Variants in PDCD1LG2 observed in about 807,000 individuals in gnomAD.
PDCD1LG2 encodes the protein B7 dendritic cell molecule.
PDCD1LG2 carries 32 observed loss-of-function variants against 28.2 expected under a neutral mutation model. That is an observed-to-expected ratio of 1.13 (90% CI 0.86 to 1.52). The LOEUF (loss-of-function observed/expected upper bound fraction) is 1.52, where lower values mean the gene tolerates loss of function less well. PDCD1LG2 is among the 40% of genes most tolerant of loss of function. The pLI is 0.00. For missense variants in PDCD1LG2, 385 were observed against 323.8 expected, an observed-to-expected ratio of 1.19 and a Z score of -1.45; for synonymous variants, 116 against 120.2, an observed-to-expected ratio of 0.97 and a Z score of 0.23.
intron 1 of PDCD1LG2, among the ~76,000 whole-genome samples, chr9:5,511,905 A>G (rs1326143653): frequency 3.3e-5 from 5 of 152,158 alleles, no homozygotes; most frequent in Non-Finnish European, 7.4e-5. Flanking sequence ...CTGAGTCCCA[A>G]GTTCCTAGTG....
chr9:5,552,350 G>A (rs896967864), intron 4 of PDCD1LG2, among the ~76,000 whole-genome samples: 1 of 152,188 alleles, frequency 6.6e-6, no homozygotes, highest in East Asian at 1.9e-4. Context: ...TTTAGATGCA[G>A]TAGAACAAGC....
chr9:5,554,109 T>C (rs77272010), intron 4 of PDCD1LG2, among the ~76,000 whole-genome samples: 4,616 of 152,310 alleles, frequency 0.03, 106 homozygotes, highest in South Asian at 0.062. Context: ...TTGTTTGCCT[T>C]GTAACTATGC....
rs1816724528 is a variant in PDCD1LG2 at position 5,569,224 on chromosome 9, G to A, written c.817-730G>A. Among the ~76,000 whole-genome samples the A allele has an allele frequency of 6.6e-5, 10 of 152,194 alleles. No homozygotes were observed. Among genetic ancestry groups the A allele is most frequent in the Admixed American group, 6.5e-4 (10 of 15,276 alleles). On this transcript the variant is annotated intron_variant, in intron 6 of 6. Coordinates refer to ENST00000397747, the MANE Select transcript of PDCD1LG2 (RefSeq NM_025239.4). The surrounding 1 kb of genome is among the most constrained non-coding windows in gnomAD (Gnocchi z 4.1). ...TGCTTAGAAGAGGTAACTGAGGCAAGTTTAATTTATAAAGGTGTGTGCAGC... is the reference window on the plus strand; with the variant it reads ...TGCTTAGAAGAGGTAACTGAGGCAAATTTAATTTATAAAGGTGTGTGCAGC...
intron 1 of PDCD1LG2, among the ~76,000 whole-genome samples, chr9:5,515,039 C>T (rs1820130915): frequency 6.6e-6 from 1 of 152,176 alleles, no homozygotes; most frequent in African/African-American, 2.4e-5. Context: ...TTACCACCCT[C>T]ATAAGTGATA....
At chr9:5,516,464 C>G (rs1007037670) in intron 1 of PDCD1LG2, among the ~76,000 whole-genome samples, 1 of 152,234 alleles carries the variant, frequency 6.6e-6, no homozygotes, top group African/African-American at 2.4e-5. Flanking sequence ...GCTGTGGACT[C>G]CACCCACAAT....
intron 6 of PDCD1LG2, among the ~76,000 whole-genome samples, chr9:5,567,544 T>C (rs1816689965): frequency 6.6e-6 from 1 of 152,246 alleles, no homozygotes. Flanking sequence ...GTTATTACAG[T>C]CATCAAGCCT....
At chr9:5,512,656 T>C (rs567549737) in intron 1 of PDCD1LG2, among the ~76,000 whole-genome samples, 20 of 152,330 alleles carry the variant, frequency 1.3e-4, no homozygotes, top group African/African-American at 4.6e-4. Context: ...AACATTTCCA[T>C]ATTAGAAATA....
chr9:5,563,987 T>C (rs1244444459), intron 6 of PDCD1LG2, among the ~76,000 whole-genome samples: 2 of 152,316 alleles, frequency 1.3e-5, no homozygotes, highest in African/African-American at 4.8e-5. Flanking sequence ...CAGCAACATA[T>C]AGACTAGCAT....
intron 2 of PDCD1LG2, 81 bp downstream of exon 2, chr9:5,522,682 C>A: frequency 7.6e-7 from 1 of 1,313,958 alleles, no homozygotes; most frequent in South Asian, 1.2e-5. Context: ...AGAATGTGGC[C>A]CTCAGGCTGA....
intron 3 of PDCD1LG2, among the ~76,000 whole-genome samples, chr9:5,546,030 T>C (rs7031548): frequency 0.42 from 63,606 of 151,920 alleles, 15,167 homozygotes; most frequent in African/African-American, 0.66. Context: ...TCCACCACCT[T>C]CCAAATAAGA....
chr9:5,520,150 C>T (rs1186341761), intron 1 of PDCD1LG2, among the ~76,000 whole-genome samples: 4 of 152,148 alleles, frequency 2.6e-5, no homozygotes, highest in African/African-American at 9.7e-5. Context: ...TTGAAAAAGA[C>T]TAACAAAGTT....
chr9:5,524,940 T>G (rs1482023357), intron 2 of PDCD1LG2, among the ~76,000 whole-genome samples: 1 of 152,216 alleles, frequency 6.6e-6, no homozygotes, highest in Non-Finnish European at 1.5e-5. Context: ...CCTTGCTCCT[T>G]GTACAGCCCC....
intron 4 of PDCD1LG2, among the ~76,000 whole-genome samples, chr9:5,554,457 C>T (rs1194342605): frequency 1.3e-5 from 2 of 152,212 alleles, no homozygotes; most frequent in Admixed American, 6.5e-5. Context: ...TCCCTTTCTA[C>T]TCATTCTCAT....
intron 6 of PDCD1LG2, among the ~76,000 whole-genome samples, chr9:5,563,420 C>T (rs1411364622): frequency 6.6e-6 from 1 of 152,174 alleles, no homozygotes; most frequent in Non-Finnish European, 1.5e-5. Flanking sequence ...TTCCTAAGCA[C>T]TCCTAGATGA....
At chr9:5,562,456 AG>A (rs1816582771) in intron 5 of PDCD1LG2, among the ~76,000 whole-genome samples, 1 of 152,210 alleles carries the variant, frequency 6.6e-6, no homozygotes, top group Non-Finnish European at 1.5e-5. Context: ...AAAGGCATAC[AG>A]AGTGGTATAA....
intron 1 of PDCD1LG2, among the ~76,000 whole-genome samples, chr9:5,517,201 T>C (rs1820183865): frequency 6.6e-6 from 1 of 152,100 alleles, no homozygotes; most frequent in African/African-American, 2.4e-5. Context: ...AGGGTTGGAG[T>C]GCTCTTGCAA....
At chr9:5,564,747 CA>C (rs1367175531) in intron 6 of PDCD1LG2, among the ~76,000 whole-genome samples, 4 of 152,216 alleles carry the variant, frequency 2.6e-5, no homozygotes, top group African/African-American at 9.6e-5. Flanking sequence ...TACCACTCTT[CA>C]ACAAAACTTT....
intron 1 of PDCD1LG2, among the ~76,000 whole-genome samples, chr9:5,520,126 C>T (rs1820245971): frequency 6.6e-6 from 1 of 151,980 alleles, no homozygotes; most frequent in African/African-American, 2.4e-5. Context: ...CGAATAGCCC[C>T]CTAAAAAAAA....
At chr9:5,512,457 C>T (rs1055652078) in intron 1 of PDCD1LG2, among the ~76,000 whole-genome samples, 5 of 152,170 alleles carry the variant, frequency 3.3e-5, no homozygotes, top group Non-Finnish European at 5.9e-5. Flanking sequence ...GATTTTCCTC[C>T]ATTGCCTCAG....
Sources: gnomAD v4.1 joint callset for allele counts (sites outside exome capture counted in the v4.1 genomes callset) on GRCh38, gnomAD v4.1.1 for gene constraint, Gnocchi (gnomAD v3.1) non-coding constraint, MANE v1.5 for transcripts, NCBI Gene and HGNC (gene_info 2026-07-23, HGNC 2026-07-21) for gene names.